Variants in SGO2 observed in about 807,000 individuals in gnomAD.
SGO2 encodes shugoshin-like 2.
A neutral mutation model predicts 99.5 loss-of-function variants in SGO2; 68 were observed. That is an observed-to-expected ratio of 0.68 (90% CI 0.56 to 0.84). The LOEUF (loss-of-function observed/expected upper bound fraction) is 0.84, where lower values mean the gene tolerates loss of function less well. SGO2 is among the 40% of genes least tolerant of loss of function. The pLI, the probability that SGO2 is intolerant of heterozygous loss-of-function variation, is 0.00. For missense variants in SGO2, 1,350 were observed against 1,436.7 expected (o/e 0.94, Z 0.97); for synonymous variants, 457 against 487.1 (o/e 0.94, Z 0.81).
chr2:200,565,016 A>G (rs1367670413), intron 5 of SGO2, among the ~76,000 whole-genome samples: 1 of 152,078 alleles, frequency 6.6e-6, no homozygotes, highest in Non-Finnish European at 1.5e-5. Flanking sequence ...TCTTTATCCA[A>G]TTTGCCAGTC....
At chr2:200,529,183 A>G (rs187057143) in intron 1 of SGO2, among the ~76,000 whole-genome samples, 15 of 152,326 alleles carry the variant, frequency 9.8e-5, no homozygotes, top group African/African-American at 3.6e-4. Flanking sequence ...TCCAGCATCA[A>G]GGGACCACTT....
At chr2:200,574,000 A>G (rs1461816318) in intron 7 of SGO2, 23 bp downstream of exon 7, 2 of 1,503,122 alleles carry the variant, frequency 1.3e-6, no homozygotes, top group Admixed American at 2.3e-5. Context: ...CCATTATGAA[A>G]TGATAAAGTT....
intron 5 of SGO2, among the ~76,000 whole-genome samples, chr2:200,557,823 A>G (rs900082247): frequency 2.0e-5 from 3 of 149,076 alleles, no homozygotes; most frequent in African/African-American, 4.9e-5. Flanking sequence ...TGTTTTGTCC[A>G]GGTTTTGGCT....
rs146808301 is a variant in SGO2 at position 200,526,581 on chromosome 2, A to G, written c.-3+329A>G. On this transcript the variant is annotated intron_variant, in intron 1 of 8. Transcript: ENST00000357799. This position sits in a 1 kb window ranked among gnomAD's most constrained non-coding sequence, Gnocchi z 4.8. ...TACTCCCTTGAACAGTTTCTAGGGC[A>G]TTGTGAGCGCTCAGTACGTGTCTGC... Among the ~76,000 whole-genome samples, 4 of 152,164 alleles carry G rather than the reference A, an allele frequency of 2.6e-5. No individual in the cohort carries two copies. The highest frequency in any genetic ancestry group is 9.6e-5 in the African/African-American group (4 of 41,530).
chr2:200,536,167 GTGT>G (rs568047807), intron 4 of SGO2, 25 bp downstream of exon 4: 30 of 1,420,600 alleles, frequency 2.1e-5, no homozygotes, highest in African/African-American at 1.3e-4. Context: ...TATGTAAATA[GTGT>G]TGTTCTTTAG....
Position 200,584,059 on chromosome 2 carries a change from TC to T in SGO2, c.*597del, listed in dbSNP as rs1385622667. Among the ~76,000 whole-genome samples, 1 of 152,192 alleles carries T rather than the reference TC, an allele frequency of 6.6e-6. No homozygotes were observed. Among genetic ancestry groups the T allele is most frequent in the African/African-American group, 2.4e-5 (1 of 41,444 alleles). ...TTTGGTTTTAAAGATCACTTACTCT[TC>T]CAGTAATAAGTAGTAATAAATCCTG... is the stretch of plus-strand genomic sequence containing the variant. On this transcript the variant is annotated 3_prime_UTR_variant, in exon 9 of 9. Coordinates refer to ENST00000357799, the MANE Select transcript of SGO2 (RefSeq NM_152524.6).
At chr2:200,575,272 C>T in intron 7 of SGO2, 39 bp from the exon 8 acceptor site, 1 of 1,368,006 alleles carries the variant, frequency 7.3e-7, no homozygotes, top group Non-Finnish European at 9.9e-7. Context: ...TCTCTATATA[C>T]TTTTTAAAAT....
chr2:200,530,480 T>C lies in SGO2; in HGVS notation c.-2-2494T>C, dbSNP rs369221473. Among the ~76,000 whole-genome samples, 232 of 152,326 alleles carry C rather than the reference T, an allele frequency of 1.5e-3. 1 individual carries two copies. The highest frequency in any genetic ancestry group is 5.2e-3 in the African/African-American group (218 of 41,580). ...TAGACAGCTGGATACATGAATCCAG[T>C]GTTCAGGAAAGAGATCCAAACTGAG... On this transcript the variant is annotated intron_variant, in intron 1 of 8. Transcript: ENST00000357799.
chr2:200,575,489 C>A, intron 8 of SGO2, 28 bp downstream of exon 8: 2 of 1,500,634 alleles, frequency 1.3e-6, no homozygotes, highest in South Asian at 2.7e-5. Context: ...TTTTAGTATG[C>A]CATTATAAAA....
chr2:200,559,215 G>C (rs2032843700), intron 5 of SGO2, among the ~76,000 whole-genome samples: 2 of 152,144 alleles, frequency 1.3e-5, no homozygotes, highest in African/African-American at 4.8e-5. Flanking sequence ...AAAATTACTG[G>C]CATAAAATTG....
chr2:200,547,824 C>A (rs1291471877), intron 5 of SGO2, among the ~76,000 whole-genome samples: 2 of 151,820 alleles, frequency 1.3e-5, no homozygotes, highest in Non-Finnish European at 2.9e-5. Context: ...ATATTCCATG[C>A]AACTAGAAAA....
chr2:200,560,345 A>G (rs2032890248), intron 5 of SGO2, among the ~76,000 whole-genome samples: 1 of 152,070 alleles, frequency 6.6e-6, no homozygotes, highest in Non-Finnish European at 1.5e-5. Context: ...TTCAAATTCT[A>G]TTATATTTAA....
At chr2:200,569,627 C>A in intron 5 of SGO2, 36 bp from the exon 6 acceptor site, 1 of 1,479,806 alleles carries the variant, frequency 6.8e-7, no homozygotes, top group East Asian at 2.3e-5. Flanking sequence ...ATTTATAAAA[C>A]ACATAATTTC....
chr2:200,572,650 T>A lies in SGO2; in HGVS notation c.2304T>A (p.Ala768=). 1 of 1,612,344 alleles carries A rather than the reference T, an allele frequency of 6.2e-7. No individual in the cohort carries two copies. Residue 768 remains alanine (A), a synonymous_variant, in exon 7 of 9, where the codon GCT becomes GCA. Transcript: ENST00000357799. Reference sequence around the variant, plus strand: ...ACCCAAGTGAGTTTGAAACACCTGCTCTTTCTACCAAAGATAGTGGAAACC... The same window carrying A: ...ACCCAAGTGAGTTTGAAACACCTGCACTTTCTACCAAAGATAGTGGAAACC... ...LEDPSEFETP[A]LSTKDSGNLY...
At chr2:200,565,356 A>C (rs1181528585) in intron 5 of SGO2, among the ~76,000 whole-genome samples, 6 of 152,196 alleles carry the variant, frequency 3.9e-5, no homozygotes, top group Admixed American at 6.5e-5. Context: ...TCTGGGTTGA[A>C]AATTCTTTTC....
intron 7 of SGO2, among the ~76,000 whole-genome samples, chr2:200,574,833 C>T (rs944363324): frequency 1.3e-5 from 2 of 151,848 alleles, no homozygotes; most frequent in Non-Finnish European, 2.9e-5. Flanking sequence ...TTAAACATTC[C>T]TATACCAATT....
rs2106295620 is a variant in SGO2, at chr2:200,526,845, A to T, written c.-3+593A>T. On this transcript the variant is annotated intron_variant, in intron 1 of 8. Transcript: ENST00000357799. This position sits in a 1 kb window ranked among gnomAD's most constrained non-coding sequence, Gnocchi z 4.8. ...TATTTCGTATTTAGAGATAGTCGAG[A>T]TGCTGGCCGGACAAGTGTCACAGAG... 6.6e-6 allele frequency among the ~76,000 whole-genome samples: 1 copy of T among 152,296 alleles called. No individual in the cohort carries two copies. The highest frequency in any genetic ancestry group is 2.1e-4 in the South Asian group (1 of 4,816).
intron 4 of SGO2, among the ~76,000 whole-genome samples, chr2:200,537,463 G>C (rs1424780305): frequency 6.6e-6 from 1 of 152,110 alleles, no homozygotes; most frequent in East Asian, 1.9e-4. Context: ...AATCCTGAAA[G>C]TCACCATTGA....
At chr2:200,544,818 CTGT>C (rs568559513) in intron 5 of SGO2, among the ~76,000 whole-genome samples, 2 of 151,940 alleles carry the variant, frequency 1.3e-5, no homozygotes, top group African/African-American at 4.8e-5. Flanking sequence ...ATGAGGATTC[CTGT>C]TGTTCTGTAT....
Sources: gnomAD v4.1 joint callset for allele counts (sites outside exome capture counted in the v4.1 genomes callset) on GRCh38, gnomAD v4.1.1 for gene constraint, Gnocchi (gnomAD v3.1) non-coding constraint, MANE v1.5 for transcripts, NCBI Gene and HGNC (gene_info 2026-07-23, HGNC 2026-07-21) for gene names.